The following CELF2 variants were observed in gnomAD, a reference collection of about 807,000 sequenced individuals.
The protein encoded by CELF2 is CUG triplet repeat RNA-binding protein 2.
Under a neutral mutation model 62.6 loss-of-function variants are expected in CELF2, and 8 were observed. The observed-to-expected ratio is 0.13, with a 90% confidence interval of 0.07 to 0.23. CELF2 has a LOEUF of 0.23. CELF2 is among the 10% of genes least tolerant of loss of function. The pLI is 1.00. For missense variants in CELF2, 333 were observed against 671.0 expected, an observed-to-expected ratio of 0.50 and a Z score of 5.56; for synonymous variants, 258 against 250.0, an observed-to-expected ratio of 1.03 and a Z score of -0.30.
intron 1 of CELF2, among the ~76,000 whole-genome samples, chr10:11,132,756 G>A (rs148249026): frequency 2.6e-4 from 40 of 152,286 alleles, no homozygotes; most frequent in African/African-American, 3.4e-4. Context: ...ATAATCACAC[G>A]TCCAAAGGGT....
At chr10:10,812,459 AAC>A (rs1203560349) in intron 1 of CELF2, among the ~76,000 whole-genome samples, 2 of 152,186 alleles carry the variant, frequency 1.3e-5, no homozygotes, top group African/African-American at 4.8e-5. Flanking sequence ...ACTTTAGTGC[AAC>A]AGAGTTAGAG....
At chr10:10,509,848 G>A in the CELF2 span, among the ~76,000 whole-genome samples, 2 of 152,160 alleles carry the variant, frequency 1.3e-5, no homozygotes, top group South Asian at 4.1e-4. Context: ...TGAATTCCTA[G>A]AGGACTCAAA....
At chr10:10,812,589 C>T (rs1307291280) in intron 1 of CELF2, among the ~76,000 whole-genome samples, 3 of 152,176 alleles carry the variant, frequency 2.0e-5, no homozygotes, top group Middle Eastern at 3.2e-3. Context: ...AGCACTGTGT[C>T]CTCAGCAGTG....
rs1025506925 is a variant in CELF2, at chr10:11,182,191, G to A, written c.271+16509G>A. ...TACAGATGTTTCGTTTGGCTCCAGT[G>A]TGAAGAACCACACTGCAGTTCTCAG... On this transcript the variant is annotated intron_variant, in intron 2 of 12. Coordinates refer to ENST00000633077, the MANE Select transcript of CELF2 (RefSeq NM_001326342.2). Among the ~76,000 whole-genome samples the A allele has an allele frequency of 5.3e-5, 8 of 152,226 alleles. No homozygotes were observed. The South Asian group carries it at 8.3e-4, about 16-fold the overall frequency.
At chr10:10,521,247 C>T in the CELF2 span, among the ~76,000 whole-genome samples, 7 of 152,072 alleles carry the variant, frequency 4.6e-5, no homozygotes, top group African/African-American at 1.4e-4. Flanking sequence ...GCACAGTTAC[C>T]GCAGATCAAC....
chr10:10,497,347 T>A, the CELF2 span, among the ~76,000 whole-genome samples: 1 of 152,126 alleles, frequency 6.6e-6, no homozygotes, highest in South Asian at 2.1e-4. Context: ...GAGAGAATCA[T>A]GCATTCAGTT....
At chr10:11,063,247 A>T (rs1025046238) in intron 1 of CELF2, among the ~76,000 whole-genome samples, 2 of 152,210 alleles carry the variant, frequency 1.3e-5, no homozygotes, top group African/African-American at 4.8e-5. Context: ...AAGGTATGTC[A>T]GTATTTAGGA....
At chr10:11,278,738 G>A (rs2139084050) in intron 8 of CELF2, among the ~76,000 whole-genome samples, 1 of 152,342 alleles carries the variant, frequency 6.6e-6, no homozygotes, top group Non-Finnish European at 1.5e-5. Flanking sequence ...AAAAGGTTCA[G>A]TGAGTAATGT....
chr10:10,717,797 T>C, the CELF2 span, among the ~76,000 whole-genome samples: 1 of 152,204 alleles, frequency 6.6e-6, no homozygotes, highest in Admixed American at 6.5e-5. Flanking sequence ...CTGCCCGGAA[T>C]ACTTCTCCCT....
At chr10:10,746,694 C>T in the CELF2 span, among the ~76,000 whole-genome samples, 2 of 152,026 alleles carry the variant, frequency 1.3e-5, no homozygotes, top group Admixed American at 6.6e-5. Context: ...GACGTAAAAT[C>T]GGAGATTTCG....
chr10:11,180,934 A>G (rs987910661), intron 2 of CELF2, among the ~76,000 whole-genome samples: 2 of 152,214 alleles, frequency 1.3e-5, no homozygotes, highest in Admixed American at 1.3e-4. Flanking sequence ...CAATGACGCG[A>G]TCTCGGCTCA....
At chr10:10,490,373 G>GA in the CELF2 span, among the ~76,000 whole-genome samples, 1 of 152,102 alleles carries the variant, frequency 6.6e-6, no homozygotes, top group Admixed American at 6.6e-5. Context: ...TGATTCTGTG[G>GA]AAAATGCCTT....
intron 12 of CELF2, among the ~76,000 whole-genome samples, chr10:11,327,950 C>T (rs1472485274): frequency 6.6e-6 from 1 of 152,184 alleles, no homozygotes; most frequent in African/African-American, 2.4e-5. Flanking sequence ...AGGACCATAG[C>T]TTCCTGTCAC....
At chr10:11,188,664 G>C (rs1215388875) in intron 2 of CELF2, among the ~76,000 whole-genome samples, 1 of 152,088 alleles carries the variant, frequency 6.6e-6, no homozygotes, top group Admixed American at 6.6e-5. Context: ...TTTTGGACAT[G>C]TGAGCTTACA....
the CELF2 span, among the ~76,000 whole-genome samples, chr10:10,553,810 C>T: frequency 5.9e-5 from 9 of 152,234 alleles, no homozygotes; most frequent in East Asian, 1.4e-3. Flanking sequence ...TGAAGGAGGT[C>T]ACTGCTGGAG....
intron 1 of CELF2, among the ~76,000 whole-genome samples, chr10:10,839,645 A>G (rs1229883406): frequency 1.3e-5 from 2 of 152,216 alleles, no homozygotes; most frequent in East Asian, 1.9e-4. Flanking sequence ...GGTTGCTTCA[A>G]ATGTGTGTAA....
rs77394389 is a variant in CELF2, at chr10:10,916,560, G to A, written c.54-3404G>A. Among the ~76,000 whole-genome samples, 769 of 152,250 alleles carry A rather than the reference G, an allele frequency of 5.1e-3. 7 individuals are homozygous for A. Among genetic ancestry groups the A allele is most frequent in the African/African-American group, 0.018 (727 of 41,536 alleles). On this transcript the variant is annotated intron_variant, in intron 1 of 13. Transcript: ENST00000636488. ...TGTGTGATTCACTGAATAAAGTTCT[G>A]CATTGTCTTTTGTGCATAAATCCAC...
At chr10:11,250,694 G>C (rs2076873533) in intron 4 of CELF2, among the ~76,000 whole-genome samples, 1 of 152,248 alleles carries the variant, frequency 6.6e-6, no homozygotes, top group South Asian at 2.1e-4. Context: ...TAAGTATCCA[G>C]AAGTCACTTA....
chr10:10,770,860 T>A, the CELF2 span, among the ~76,000 whole-genome samples: 1 of 152,320 alleles, frequency 6.6e-6, no homozygotes, highest in South Asian at 2.1e-4. Flanking sequence ...CTAATGATAA[T>A]TACTTAAAAC....
Sources: allele counts gnomAD v4.1 joint callset (sites outside exome capture counted in the v4.1 genomes callset), GRCh38; gene constraint gnomAD v4.1.1; transcripts MANE v1.5; gene names NCBI Gene and HGNC (gene_info 2026-07-23, HGNC 2026-07-21).